The following ACACA variants were observed in gnomAD, a reference collection of about 807,000 sequenced individuals.
ACACA encodes the protein acetyl-CoA carboxylase alpha.
A neutral mutation model predicts 296.1 loss-of-function variants in ACACA; 103 were observed. The ratio of observed to expected loss-of-function variants is 0.35; its 90% confidence interval spans 0.30 to 0.41. ACACA has a LOEUF of 0.41. Ranked by LOEUF, ACACA falls within the 10% of genes least tolerant of loss-of-function variation. The probability of loss-of-function intolerance (pLI) is 1.00; values close to 1 mark genes in which losing one functional copy is unlikely to be tolerated. For synonymous variants in ACACA, 953 were observed against 1,038.6 expected, an observed-to-expected ratio of 0.92 and a Z score of 1.58; for missense variants, 1,554 against 2,989.7, an observed-to-expected ratio of 0.52 and a Z score of 11.20.
chr17:37,202,968 T>G, intron 33 of ACACA, among the ~76,000 whole-genome samples: 1 of 151,722 alleles, frequency 6.6e-6, no homozygotes, highest in Middle Eastern at 3.4e-3. Flanking sequence ...AATGCTTTTT[T>G]TTTTTTTTTA....
intron 19 of ACACA, 125 bp downstream of exon 19, chr17:37,246,701 A>C: frequency 7.7e-7 from 1 of 1,292,222 alleles, no homozygotes. Context: ...CCAAAGTGGT[A>C]GGATTACAGG....
At chr17:37,391,787 C>G in intron 1 of ACACA, 1 of 1,383,162 alleles carries the variant, frequency 7.2e-7, no homozygotes, top group Non-Finnish European at 1.0e-6. Flanking sequence ...TTAATATGGG[C>G]ACATTCTTGC....
intron 4 of ACACA, among the ~76,000 whole-genome samples, chr17:37,283,830 T>C (rs2082654184): frequency 6.6e-6 from 1 of 152,212 alleles, no homozygotes; most frequent in South Asian, 2.1e-4. Context: ...TGAACATGTT[T>C]AAAAACCCTG....
intron 39 of ACACA, among the ~76,000 whole-genome samples, chr17:37,185,777 C>T (rs2077509326): frequency 6.6e-6 from 1 of 152,024 alleles, no homozygotes; most frequent in Non-Finnish European, 1.5e-5. Context: ...CCTTGTTGGT[C>T]AGGCTGGTCT....
At chr17:37,389,518 C>A in intron 1 of ACACA, 1 of 741,300 alleles carries the variant, frequency 1.3e-6, no homozygotes, top group Non-Finnish European at 1.6e-6. Flanking sequence ...ATGACGAAAC[C>A]CTGTCTCTAC....
chr17:37,257,973 A>G, intron 13 of ACACA, 107 bp from the exon 14 acceptor site: 1 of 1,429,384 alleles, frequency 7.0e-7, no homozygotes, highest in Non-Finnish European at 9.7e-7. Flanking sequence ...AGCAGAGAAG[A>G]CACACAAAAA....
At chr17:37,363,287 A>G (rs1240199416) in intron 1 of ACACA, among the ~76,000 whole-genome samples, 1 of 139,158 alleles carries the variant, frequency 7.2e-6, no homozygotes, top group African/African-American at 2.7e-5. Context: ...GGTTCAAGCG[A>G]TTCTTCTGCC....
chr17:37,193,454 T>C (rs966391545), intron 35 of ACACA, 39 bp from the exon 36 acceptor site: 4 of 1,455,084 alleles, frequency 2.7e-6, no homozygotes, highest in South Asian at 2.3e-5. Flanking sequence ...CAGTAGTTCA[T>C]AGACATGGCT....
intron 50 of ACACA, among the ~76,000 whole-genome samples, chr17:37,120,714 G>A (rs569408233): frequency 6.6e-6 from 1 of 152,152 alleles, no homozygotes; most frequent in Non-Finnish European, 1.5e-5. Context: ...TACTGTAAGA[G>A]GTAGTGTTTC....
At chr17:37,228,909 C>T (rs758661026) in intron 25 of ACACA, among the ~76,000 whole-genome samples, 38 of 152,026 alleles carry the variant, frequency 2.5e-4, no homozygotes, top group Admixed American at 7.9e-4. Context: ...TTTGGGAGGC[C>T]GAGGAGGGCG....
chr17:37,325,364 C>T (rs1270952068), intron 3 of ACACA, among the ~76,000 whole-genome samples: 3 of 145,930 alleles, frequency 2.1e-5, no homozygotes, highest in Admixed American at 6.8e-5. Flanking sequence ...GAAACTCAGT[C>T]TCAAAAAAAA....
rs1235894936 is a variant in ACACA at position 37,097,124 on chromosome 17, G to T, written c.6763C>A (p.Arg2255=). The change falls in exon 54 of 56, where the codon CGG becomes AGG. Residue 2255 remains arginine, a synonymous_variant. Coordinates refer to ENST00000616317, the MANE Select transcript of ACACA (RefSeq NM_198834.3). The surrounding 1 kb of genome is among the most constrained non-coding windows in gnomAD (Gnocchi z 4.8). ...TCCTCCAGCAGAAGACGCCTCAGCC[G>T]CCAGTAGAAGAAGGTACGGGATGTT... ...WKTSRTFFYW[R]LRRLLLEDLV... is the part of the protein sequence containing the mutation. 1 of 1,613,936 alleles carries T rather than the reference G, an allele frequency of 6.2e-7. No individual in the cohort carries two copies. The highest frequency in any genetic ancestry group is 1.1e-5 in the South Asian group (1 of 91,078).
intron 23 of ACACA, 65 bp downstream of exon 23, chr17:37,241,888 C>A (rs1011718744): frequency 1.5e-6 from 2 of 1,371,698 alleles, no homozygotes; most frequent in Non-Finnish European, 2.1e-6. Flanking sequence ...TTTTTTGTGA[C>A]CACTTGAAAG....
chr17:37,228,406 T>C (rs2079658946), intron 25 of ACACA, among the ~76,000 whole-genome samples: 1 of 152,000 alleles, frequency 6.6e-6, no homozygotes, highest in Non-Finnish European at 1.5e-5. Context: ...AAAGCTGCTA[T>C]TAAAGTGAAG....
chr17:37,220,031 A>C (rs559213648), intron 29 of ACACA, among the ~76,000 whole-genome samples: 4 of 152,296 alleles, frequency 2.6e-5, no homozygotes, highest in African/African-American at 9.6e-5. Flanking sequence ...CAACCAAGGG[A>C]GACTTCAGGG....
At position 37,343,783 on chromosome 17, in the gene ACACA, GT is replaced by G. The variant is rs1474399640; in HGVS notation, c.39-3934del. 2.1e-5 allele frequency among the ~76,000 whole-genome samples: 3 copies of G among 146,300 alleles called. No homozygotes were observed. The East Asian group carries it at 6.1e-4, about 30-fold the overall frequency. On this transcript the variant is annotated intron_variant, in intron 1 of 55. Coordinates refer to ENST00000616317, the MANE Select transcript of ACACA (RefSeq NM_198834.3). Reference sequence around the variant, plus strand: ...TGTCTCAAAAAAAAAAAAAAAAAAAGTTTTCAAAGACAATAAGTGAATTTGC... The same window carrying G: ...TGTCTCAAAAAAAAAAAAAAAAAAAGTTTCAAAGACAATAAGTGAATTTGC...
Position 37,085,447 on chromosome 17 carries a change from A to G in ACACA, c.*1869T>C. Reference sequence around the variant, plus strand: ...CCTCCTGGGGGGTGCAGGACTTCATACCACTTGTAGATATGTGGGATTTGA... The same window carrying G: ...CCTCCTGGGGGGTGCAGGACTTCATGCCACTTGTAGATATGTGGGATTTGA... On this transcript the variant is annotated 3_prime_UTR_variant, in exon 56 of 56. Coordinates refer to ENST00000616317, the MANE Select transcript of ACACA (RefSeq NM_198834.3). 2.5e-6 allele frequency: 1 copy of G among 396,748 alleles called. No homozygotes were observed. The allele number at this position is 396,748 out of a possible 1,614,324, so 24.6% of individuals were successfully genotyped here.
At position 37,363,915 on chromosome 17, in the gene ACACA, G is replaced by A. The variant is rs537468340; in HGVS notation, c.39-24065C>T. Among the ~76,000 whole-genome samples, 8 of 152,170 alleles carry A rather than the reference G, an allele frequency of 5.3e-5. No individual in the cohort carries two copies. In the South Asian group the frequency reaches 1.7e-3, roughly 32 times the overall value. ...AGGCGGGTGGATCACCTGAGATCAG[G>A]AGTTCAAGACTAGCCTGGCCAATAT... On this transcript the variant is annotated intron_variant, in intron 1 of 55. Coordinates refer to ENST00000616317, the MANE Select transcript of ACACA (RefSeq NM_198834.3).
At chr17:37,119,298 C>G (rs533831184) in intron 50 of ACACA, among the ~76,000 whole-genome samples, 1 of 152,178 alleles carries the variant, frequency 6.6e-6, no homozygotes, top group African/African-American at 2.4e-5. Flanking sequence ...CTCTGTGAAG[C>G]AATGTATTGT....
Sources: allele counts gnomAD v4.1 joint callset (sites outside exome capture counted in the v4.1 genomes callset), GRCh38; gene constraint gnomAD v4.1.1; non-coding constraint Gnocchi (gnomAD v3.1); transcripts MANE v1.5; gene names NCBI Gene and HGNC (gene_info 2026-07-23, HGNC 2026-07-21).